The following EYS variants were observed in gnomAD, a reference collection of about 807,000 sequenced individuals.
The protein encoded by EYS is protein eyes shut homolog.
EYS carries 250 observed loss-of-function variants against 282.1 expected under a neutral mutation model. The ratio of observed to expected loss-of-function variants is 0.89; its 90% CI spans 0.80 to 0.98. The LOEUF is 0.98. EYS is among the 50% of genes least tolerant of loss of function. The probability of loss-of-function intolerance (pLI) is 0.00; values close to 1 mark genes in which losing one functional copy is unlikely to be tolerated. For synonymous variants in EYS, 1,355 were observed against 1,282.9 expected (o/e 1.06, Z -1.20); for missense variants, 4,016 against 3,709.0 (o/e 1.08, Z -2.15).
chr6:64,202,244 G>A (rs113972073), intron 31 of EYS, among the ~76,000 whole-genome samples: 2 of 152,226 alleles, frequency 1.3e-5, no homozygotes, highest in African/African-American at 4.8e-5. Context: ...TCAATCCCTG[G>A]AGAGGGAGAC....
intron 35 of EYS, among the ~76,000 whole-genome samples, chr6:63,960,835 TA>T (rs1766027853): frequency 6.6e-6 from 1 of 152,254 alleles, no homozygotes; most frequent in Non-Finnish European, 1.5e-5. Context: ...TAGTTAAGTG[TA>T]AACATAACTT....
At chr6:65,076,417 C>A (rs553791285) in intron 12 of EYS, among the ~76,000 whole-genome samples, 8 of 151,742 alleles carry the variant, frequency 5.3e-5, no homozygotes, top group African/African-American at 1.9e-4. Context: ...ATGTTACAAA[C>A]CTTTATAGGG....
intron 30 of EYS, among the ~76,000 whole-genome samples, chr6:64,242,827 A>C (rs192725747): frequency 6.8e-6 from 1 of 147,338 alleles, no homozygotes; most frequent in Non-Finnish European, 1.5e-5. Flanking sequence ...AGTTTTTAAT[A>C]TATATAATAT....
chr6:64,623,193 A>C (rs889686911), intron 23 of EYS, among the ~76,000 whole-genome samples: 2 of 152,170 alleles, frequency 1.3e-5, no homozygotes, highest in African/African-American at 2.4e-5. Flanking sequence ...AACACGTTTA[A>C]CTGTGTAATA....
intron 26 of EYS, among the ~76,000 whole-genome samples, chr6:64,446,083 A>G (rs1160648251): frequency 2.0e-5 from 3 of 152,370 alleles, no homozygotes; most frequent in East Asian, 3.9e-4. Context: ...TATATGCAGT[A>G]GCTCTTGCCT....
At chr6:64,127,001 T>G (rs1347039212) in intron 31 of EYS, among the ~76,000 whole-genome samples, 1 of 152,154 alleles carries the variant, frequency 6.6e-6, no homozygotes, top group African/African-American at 2.4e-5. Context: ...AATGCTCAGC[T>G]GACCTAGCAT....
At chr6:64,662,236 G>T in intron 22 of EYS, among the ~76,000 whole-genome samples, 1 of 114,172 alleles carries the variant, frequency 8.8e-6, no homozygotes. Flanking sequence ...CCTGTTGTGG[G>T]GTGGGGGGAG....
intron 36 of EYS, among the ~76,000 whole-genome samples, chr6:63,818,611 GT>G (rs1383481149): frequency 6.6e-6 from 1 of 152,070 alleles, no homozygotes; most frequent in African/African-American, 2.4e-5. Flanking sequence ...AAGAAATGCT[GT>G]CTTAAACCCA....
At chr6:64,035,406 G>A (rs1770067057) in intron 33 of EYS, among the ~76,000 whole-genome samples, 1 of 152,132 alleles carries the variant, frequency 6.6e-6, no homozygotes, top group African/African-American at 2.4e-5. Context: ...TGACTCATAG[G>A]GAGGAGAAAG....
intron 1 of EYS, among the ~76,000 whole-genome samples, chr6:65,684,473 T>C (rs535713592): frequency 2.6e-5 from 4 of 152,092 alleles, no homozygotes; most frequent in East Asian, 1.9e-4. Context: ...TCAAACAATG[T>C]TTGCTGAGCT....
chr6:65,649,475 A>C (rs1207855359), intron 1 of EYS, among the ~76,000 whole-genome samples: 1 of 152,206 alleles, frequency 6.6e-6, no homozygotes, highest in African/African-American at 2.4e-5. Flanking sequence ...TTTACTCTTC[A>C]TCAAACATAT....
At chr6:64,728,567 CCTCGTGATCTGCCCACCTT>C (rs1771845263) in intron 22 of EYS, among the ~76,000 whole-genome samples, 1 of 152,138 alleles carries the variant, frequency 6.6e-6, no homozygotes, top group Admixed American at 6.5e-5. Context: ...TATCTCCTGA[CCTCGTGATCTGCCCACCTT>C]GACCTCCCAG....
At chr6:64,543,609 C>T (rs1371911233) in intron 26 of EYS, among the ~76,000 whole-genome samples, 1 of 152,056 alleles carries the variant, frequency 6.6e-6, no homozygotes, top group African/African-American at 2.4e-5. Context: ...TAATACAATA[C>T]AATCTAGCTG....
At chr6:65,011,655 T>C (rs79526772) in intron 13 of EYS, among the ~76,000 whole-genome samples, 1 of 152,192 alleles carries the variant, frequency 6.6e-6, no homozygotes, top group African/African-American at 2.4e-5. Context: ...GAGACAGAAC[T>C]AGCTGGATTT....
intron 22 of EYS, among the ~76,000 whole-genome samples, chr6:64,706,238 C>T (rs994444886): frequency 1.1e-4 from 17 of 152,030 alleles, no homozygotes; most frequent in African/African-American, 3.9e-4. Flanking sequence ...CACTATTCAA[C>T]GAATGGTGAT....
Position 65,108,336 on chromosome 6 carries a change from C to T in EYS, c.2024-50609G>A, listed in dbSNP as rs556374575. Among the ~76,000 whole-genome samples, 8 of 152,166 alleles carry T rather than the reference C, an allele frequency of 5.3e-5. No homozygotes were observed. In the South Asian group the frequency reaches 1.7e-3, roughly 32 times the overall value. ...TTTTGAGACAGGAGCTCACTCCACTCGCTCAGGCTGGAGTGCAGTGGCTTG... is the reference window on the plus strand; with the variant it reads ...TTTTGAGACAGGAGCTCACTCCACTTGCTCAGGCTGGAGTGCAGTGGCTTG... On this transcript the variant is annotated intron_variant, in intron 12 of 42. Coordinates refer to ENST00000503581, the MANE Select transcript of EYS (RefSeq NM_001142800.2).
intron 37 of EYS, among the ~76,000 whole-genome samples, chr6:63,802,147 T>C (rs544790942): frequency 4.6e-5 from 7 of 152,274 alleles, no homozygotes; most frequent in Non-Finnish European, 7.3e-5. Flanking sequence ...GACTCACTTC[T>C]TTAATTCATA....
Position 65,518,194 on chromosome 6 carries a change from G to T in EYS, c.-332-22201C>A, listed in dbSNP as rs1767214262. Among the ~76,000 whole-genome samples, 4 of 152,068 alleles carry T rather than the reference G, an allele frequency of 2.6e-5. No homozygotes were observed. In the South Asian group the frequency reaches 8.3e-4, roughly 31 times the overall value. Reference sequence around the variant, plus strand: ...CTTATATCCAAGCATTCTGTTATCAGTGCCTGAGTCCTTAGTTACTGTCCT... The same window carrying T: ...CTTATATCCAAGCATTCTGTTATCATTGCCTGAGTCCTTAGTTACTGTCCT... On this transcript the variant is annotated intron_variant, in intron 2 of 42. Coordinates refer to ENST00000503581, the MANE Select transcript of EYS (RefSeq NM_001142800.2).
Position 63,778,030 on chromosome 6 carries a change from C to T in EYS, c.7874G>A (p.Cys2625Tyr). The T allele has an allele frequency of 6.4e-7, 1 of 1,551,692 alleles. No individual in the cohort carries two copies. The highest frequency in any genetic ancestry group is 8.7e-7 in the Non-Finnish European group (1 of 1,146,942). Residue 2625 changes from cysteine (C) to tyrosine (Y), a missense_variant, in exon 40 of 43, where the codon TGC becomes TAC. Cys to Tyr is a radical substitution (Grantham distance 194, BLOSUM62 -2). Transcript: ENST00000503581. ...CTAAACACTAGTTCCACTCTCTATG[C>T]ATGTCCCACCATTGCCACATTTCAT... is the stretch of plus-strand genomic sequence containing the variant. ...SLMKCGNGGT[C>Y]IESGTSVYCN...
Sources: allele counts gnomAD v4.1 joint callset (sites outside exome capture counted in the v4.1 genomes callset), GRCh38; gene constraint gnomAD v4.1.1; transcripts MANE v1.5; gene names NCBI Gene and HGNC (gene_info 2026-07-23, HGNC 2026-07-21).